Variants in AGBL1 observed in about 807,000 individuals in gnomAD.
The protein encoded by AGBL1 is cytosolic carboxypeptidase 4.
Under a neutral mutation model 118.9 loss-of-function variants are expected in AGBL1, and 130 were observed. The observed-to-expected ratio is 1.09, with a 90% CI of 0.95 to 1.26. The LOEUF (loss-of-function observed/expected upper bound fraction) is 1.26. Ranked by LOEUF, AGBL1 falls within the 50% of genes most tolerant of loss-of-function variation. The pLI is 0.00. For missense variants in AGBL1, 1,584 were observed against 1,298.1 expected (o/e 1.22, Z -3.38); for synonymous variants, 555 against 478.9 (o/e 1.16, Z -2.08).
intron 21 of AGBL1, among the ~76,000 whole-genome samples, chr15:86,660,006 G>A (rs2085514606): frequency 6.6e-6 from 1 of 151,740 alleles, no homozygotes; most frequent in African/African-American, 2.4e-5. Context: ...CACACCCTGG[G>A]GAATCACAAA....
intron 21 of AGBL1, among the ~76,000 whole-genome samples, chr15:86,660,963 A>T (rs1290982584): frequency 3.3e-5 from 5 of 152,196 alleles, no homozygotes; most frequent in Admixed American, 2.0e-4. Flanking sequence ...GAATGCCTAC[A>T]GGAGCCAAGC....
intron 22 of AGBL1, among the ~76,000 whole-genome samples, chr15:86,768,264 C>T (rs2078124242): frequency 6.6e-6 from 1 of 151,970 alleles, no homozygotes; most frequent in Admixed American, 6.6e-5. Flanking sequence ...CAAACATCTC[C>T]ATACCCTTCC....
chr15:86,105,575 G>C (rs192493719), intron 1 of AGBL1, among the ~76,000 whole-genome samples: 9 of 152,318 alleles, frequency 5.9e-5, no homozygotes, highest in African/African-American at 2.2e-4. Context: ...TCAGCTAAAT[G>C]GTTGAGAAGG....
intron 24 of AGBL1, among the ~76,000 whole-genome samples, chr15:87,010,247 G>C (rs1356042294): frequency 1.3e-5 from 2 of 152,140 alleles, no homozygotes; most frequent in Non-Finnish European, 2.9e-5. Flanking sequence ...AGACCTGATG[G>C]TTTTATAAGG....
At position 86,113,595 on chromosome 15, in the gene AGBL1, C is replaced by T. The variant is rs564620281; in HGVS notation, c.52-28409C>T. On this transcript the variant is annotated intron_variant, in intron 1 of 22. Coordinates refer to ENST00000614907, the MANE Select transcript of AGBL1 (RefSeq NM_001386094.1). ...GCCACTGCACCCGGCCCACCTTTCA[C>T]CTCTTTCACCTGCCTTTCAGTCGAG... is the stretch of plus-strand genomic sequence containing the variant. 2.6e-5 allele frequency among the ~76,000 whole-genome samples: 4 copies of T among 152,226 alleles called. No homozygotes were observed. The East Asian group carries it at 7.7e-4, about 29-fold the overall frequency.
intron 18 of AGBL1, among the ~76,000 whole-genome samples, chr15:86,453,909 C>G (rs2082229112): frequency 6.6e-6 from 1 of 152,198 alleles, no homozygotes; most frequent in Non-Finnish European, 1.5e-5. Flanking sequence ...TAAAAGAATT[C>G]TGTAAATTTT....
Position 86,785,668 on chromosome 15 carries a change from C to T in AGBL1, c.3158+111232C>T, listed in dbSNP as rs74025479. On this transcript the variant is annotated intron_variant, in intron 22 of 22. Transcript: ENST00000614907. ...CAGGCATGAGCCACCATGCTCGGCC[C>T]GAGATGTGCGTGTTTTAAAGGGTCA... Among the ~76,000 whole-genome samples the T allele has an allele frequency of 4.1e-3, 628 of 152,096 alleles. 8 individuals carry two copies. Among genetic ancestry groups the T allele is most frequent in the African/African-American group, 0.014 (594 of 41,486 alleles).
chr15:86,710,768 C>A (rs528139198), intron 22 of AGBL1, among the ~76,000 whole-genome samples: 2 of 152,200 alleles, frequency 1.3e-5, no homozygotes, highest in East Asian at 3.9e-4. Flanking sequence ...AGAAACATAG[C>A]AATTCTTTGG....
At chr15:86,156,344 C>T (rs573396601) in intron 4 of AGBL1, among the ~76,000 whole-genome samples, 9 of 152,282 alleles carry the variant, frequency 5.9e-5, no homozygotes, top group South Asian at 4.1e-4. Flanking sequence ...GGTCTTTCTT[C>T]TATGCTTGGG....
chr15:86,614,120 C>A (rs1004681289), intron 21 of AGBL1, among the ~76,000 whole-genome samples: 6 of 152,176 alleles, frequency 3.9e-5, no homozygotes, highest in African/African-American at 1.2e-4. Flanking sequence ...TCTGTTTTAA[C>A]TGTAAGCATC....
intron 5 of AGBL1, among the ~76,000 whole-genome samples, chr15:86,163,883 CT>C (rs1379668728): frequency 8.5e-5 from 13 of 152,166 alleles, no homozygotes; most frequent in Admixed American, 1.3e-4. Context: ...TTTTTTCCCC[CT>C]GATACCAGGC....
intron 19 of AGBL1, among the ~76,000 whole-genome samples, chr15:86,533,783 T>TA (rs1195369984): frequency 2.6e-5 from 3 of 114,126 alleles, no homozygotes; most frequent in African/African-American, 4.9e-5. Flanking sequence ...TAGGCAGCCA[T>TA]AAAAAATGAT....
intron 17 of AGBL1, among the ~76,000 whole-genome samples, chr15:86,346,318 A>T (rs1421847167): frequency 2.7e-5 from 4 of 150,264 alleles, no homozygotes; most frequent in Non-Finnish European, 5.9e-5. Context: ...TAGTTGATAT[A>T]GGATATAAGC....
intron 22 of AGBL1, among the ~76,000 whole-genome samples, chr15:86,785,048 A>G (rs193021182): frequency 6.8e-4 from 103 of 152,308 alleles, no homozygotes; most frequent in African/African-American, 2.3e-3. Context: ...TTCTCGGGCA[A>G]ATTCTTACAA....
rs151016041 is a variant in AGBL1, at chr15:86,914,085, A to G, written c.*6791A>G. 5.3e-5 allele frequency: 8 copies of G among 152,300 alleles called. No homozygotes were observed. Among genetic ancestry groups the G allele is most frequent in the African/African-American group, 1.9e-4 (8 of 41,550 alleles). The allele number at this position is 152,300 out of a possible 1,614,324, so 9.4% of individuals were successfully genotyped here. A position where few individuals can be genotyped will look rare whatever the true frequency, so the allele number is the denominator to read the frequency against. On this transcript the variant is annotated 3_prime_UTR_variant, in exon 23 of 23. Transcript: ENST00000614907. The stretch of plus-strand genomic sequence containing the variant: ...GTGTCTGAGTGTAGCCCTGGTCTTG[A>G]AGGGCAGGGCAAGACATGGCATTGA...
chr15:86,119,397 C>G (rs1897954171), intron 1 of AGBL1, among the ~76,000 whole-genome samples: 1 of 151,718 alleles, frequency 6.6e-6, no homozygotes, highest in Admixed American at 6.6e-5. Context: ...TGGGCTTCTT[C>G]TGGCTCCTCT....
chr15:86,397,636 T>G, intron 18 of AGBL1, 90 bp downstream of exon 18: 1 of 1,223,944 alleles, frequency 8.2e-7, no homozygotes, highest in Non-Finnish European at 1.1e-6. Flanking sequence ...TGGAGAGGCC[T>G]CGGTACTCTG....
intron 16 of AGBL1, among the ~76,000 whole-genome samples, chr15:86,285,001 G>T (rs1462625095): frequency 1.3e-5 from 2 of 152,046 alleles, no homozygotes; most frequent in Middle Eastern, 3.2e-3. Flanking sequence ...CTTCCACAGG[G>T]CTGTAATTAC....
In AGBL1 at chr15:86,910,923, G is replaced by A. The variant is rs2080341372; in HGVS notation, c.*3629G>A. On this transcript the variant is annotated 3_prime_UTR_variant, in exon 23 of 23. Transcript: ENST00000614907. ...TCAAATCTCACCAGTCTTCCATCCA[G>A]AGTTAGAGGGTACTTACTTGAGAGT... is the stretch of plus-strand genomic sequence containing the variant. The A allele has an allele frequency of 6.6e-6, 1 of 152,192 alleles. No homozygotes were observed. The highest frequency in any genetic ancestry group is 2.1e-4 in the South Asian group (1 of 4,822). The allele number at this position is 152,192 out of a possible 1,614,324, so 9.4% of individuals were successfully genotyped here.
Sources: gnomAD v4.1 joint callset for allele counts (sites outside exome capture counted in the v4.1 genomes callset) on GRCh38, gnomAD v4.1.1 for gene constraint, MANE v1.5 for transcripts, NCBI Gene and HGNC (gene_info 2026-07-23, HGNC 2026-07-21) for gene names.